ADAMTS20: variants seen among roughly 807,000 people sequenced by gnomAD.
ADAMTS20 encodes A disintegrin and metalloproteinase with thrombospondin motifs 20.
A neutral mutation model predicts 260.1 loss-of-function variants in ADAMTS20; 225 were observed. The observed-to-expected ratio is 0.87, with a 90% CI of 0.78 to 0.97. The LOEUF is 0.97. Among genes scored for constraint, ADAMTS20 ranks in the 50% least tolerant of loss-of-function variants. The pLI is 0.00. For missense variants in ADAMTS20, 2,400 were observed against 2,337.7 expected, an observed-to-expected ratio of 1.03 and a Z score of -0.55; for synonymous variants, 802 against 769.5, an observed-to-expected ratio of 1.04 and a Z score of -0.70.
chr12:43,366,533 A>C (rs1184689056), intron 37 of ADAMTS20, among the ~76,000 whole-genome samples: 2 of 151,904 alleles, frequency 1.3e-5, no homozygotes, highest in African/African-American at 4.8e-5. Context: ...AATGTATTGA[A>C]TGTTTTCCAG....
intron 27 of ADAMTS20, among the ~76,000 whole-genome samples, chr12:43,426,047 T>C (rs1459640921): frequency 6.6e-6 from 1 of 152,172 alleles, no homozygotes. Context: ...GTCATGAGCA[T>C]TAATTACATA....
At chr12:43,493,109 T>C in intron 5 of ADAMTS20, 61 bp downstream of exon 5, 1 of 1,097,436 alleles carries the variant, frequency 9.1e-7, no homozygotes, top group Non-Finnish European at 1.3e-6. Flanking sequence ...CCATAATCTC[T>C]ACGTATTGTC....
intron 3 of ADAMTS20, among the ~76,000 whole-genome samples, chr12:43,503,556 C>A (rs1016582858): frequency 2.6e-5 from 4 of 151,500 alleles, no homozygotes; most frequent in African/African-American, 9.7e-5. Flanking sequence ...TCGTCTTATT[C>A]TTTTTTTTCT....
chr12:43,493,775 C>T (rs754590829), intron 4 of ADAMTS20, among the ~76,000 whole-genome samples: 21 of 152,150 alleles, frequency 1.4e-4, no homozygotes, highest in Non-Finnish European at 2.8e-4. Flanking sequence ...CCTAATCTTT[C>T]GGCCACAGTT....
intron 25 of ADAMTS20, 46 bp downstream of exon 25, chr12:43,428,589 T>C: frequency 6.8e-7 from 1 of 1,468,486 alleles, no homozygotes; most frequent in Non-Finnish European, 9.0e-7. Context: ...TAATATCAAA[T>C]ATATTTAAAT....
Position 43,551,814 on chromosome 12 carries a change from T to C in ADAMTS20, c.91+17A>G. ...CGCCCCCACTTAGCCGCTGAAGGCG[T>C]CTCGCGGTGACTTTACCTTGCCTGG... On this transcript the variant is annotated intron_variant, in intron 1 of 38. Transcript: ENST00000389420. This position sits in a 1 kb window ranked among gnomAD's most constrained non-coding sequence, Gnocchi z 4.6. 6.2e-7 allele frequency: 1 copy of C among 1,612,816 alleles called. No individual in the cohort carries two copies. Among genetic ancestry groups the C allele is most frequent in the Non-Finnish European group, 8.5e-7 (1 of 1,179,428 alleles).
Position 43,490,398 on chromosome 12 carries a change from A to G in ADAMTS20, c.1114T>C (p.Leu372=). Residue 372 remains leucine (L), a synonymous_variant, in exon 7 of 39, where the codon TTA becomes CTA. Coordinates refer to ENST00000389420, the MANE Select transcript of ADAMTS20 (RefSeq NM_025003.5). The part of the protein sequence containing the change: ...ICSSKEKCNM[L]GLSYLGTICD... ...CTTAATTGACAAAATAACTTACCTA[A>G]CATGTTACATTTCTCTTTAGATGAA... The G allele has an allele frequency of 7.9e-7, 1 of 1,264,938 alleles. No homozygotes were observed. The highest frequency in any genetic ancestry group is 1.1e-6 in the Non-Finnish European group (1 of 930,664). The allele number at this position is 1,264,938 out of a possible 1,614,324, so 78.4% of individuals were successfully genotyped here.
intron 28 of ADAMTS20, among the ~76,000 whole-genome samples, chr12:43,415,497 A>G (rs1421873950): frequency 6.6e-6 from 1 of 152,236 alleles, no homozygotes; most frequent in African/African-American, 2.4e-5. Context: ...GAGGAAAAAT[A>G]ATATATACTT....
intron 15 of ADAMTS20, among the ~76,000 whole-genome samples, chr12:43,444,599 A>G (rs1390163990): frequency 1.3e-5 from 2 of 152,186 alleles, no homozygotes; most frequent in Non-Finnish European, 2.9e-5. Flanking sequence ...TATCTAACAT[A>G]TATTAAGAAA....
intron 7 of ADAMTS20, among the ~76,000 whole-genome samples, chr12:43,479,472 A>G (rs1413599509): frequency 6.6e-6 from 1 of 152,146 alleles, no homozygotes. Flanking sequence ...AAAGAATATC[A>G]ATAGATCACA....
At chr12:43,366,553 T>C (rs1280834713) in intron 37 of ADAMTS20, among the ~76,000 whole-genome samples, 1 of 151,894 alleles carries the variant, frequency 6.6e-6, no homozygotes, top group Non-Finnish European at 1.5e-5. Context: ...GGACAAACTA[T>C]ATGTTATGAC....
chr12:43,466,902 C>G (rs1942164636), intron 8 of ADAMTS20, 107 bp from the exon 9 acceptor site: 1 of 830,574 alleles, frequency 1.2e-6, no homozygotes. Context: ...ATAGATAAAT[C>G]TGGTTATATC....
chr12:43,472,170 C>T (rs1189845782), intron 7 of ADAMTS20, among the ~76,000 whole-genome samples: 3 of 145,042 alleles, frequency 2.1e-5, no homozygotes, highest in African/African-American at 5.1e-5. Context: ...AACCAAGGCT[C>T]GAGAACTACG....
intron 7 of ADAMTS20, among the ~76,000 whole-genome samples, chr12:43,470,486 G>A (rs1942234718): frequency 6.6e-6 from 1 of 152,180 alleles, no homozygotes; most frequent in African/African-American, 2.4e-5. Context: ...AAAACTCAAA[G>A]TAAATGGTTA....
At chr12:43,472,395 A>G (rs886805435) in intron 7 of ADAMTS20, among the ~76,000 whole-genome samples, 8 of 145,058 alleles carry the variant, frequency 5.5e-5, no homozygotes, top group African/African-American at 2.0e-4. Context: ...GAATGGAACC[A>G]AGTTGGAAAA....
rs780297646 is a variant in ADAMTS20, at chr12:43,494,694, C to T, written c.868-1441G>A. On this transcript the variant is annotated intron_variant, in intron 4 of 38. Transcript: ENST00000389420. ...ATTTCAAGCAGGTCTGTTAGCAATG[C>T]AGTATTTCTCACTTTAAAATAGGAG... Among the ~76,000 whole-genome samples the T allele has an allele frequency of 2.6e-5, 4 of 152,104 alleles. No homozygotes were observed. In the East Asian group the frequency reaches 5.8e-4, roughly 22 times the overall value.
chr12:43,485,881 G>A (rs571713646), intron 7 of ADAMTS20, among the ~76,000 whole-genome samples: 12 of 152,022 alleles, frequency 7.9e-5, no homozygotes, highest in East Asian at 3.9e-4. Context: ...GTGGAAAATC[G>A]CAACAAGGAG....
intron 3 of ADAMTS20, among the ~76,000 whole-genome samples, chr12:43,517,269 C>T (rs559982509): frequency 5.3e-5 from 8 of 152,106 alleles, no homozygotes; most frequent in Non-Finnish European, 1.0e-4. Context: ...AAGAAATAAA[C>T]TGTCTACATG....
intron 10 of ADAMTS20, among the ~76,000 whole-genome samples, 197 bp from the exon 11 acceptor site, chr12:43,463,196 T>C (rs1333020052): frequency 1.3e-5 from 2 of 152,236 alleles, no homozygotes; most frequent in Admixed American, 1.3e-4. Context: ...ACATTTTCTT[T>C]AAAACTTTTT....
Sources: gnomAD v4.1 joint callset for allele counts (sites outside exome capture counted in the v4.1 genomes callset) on GRCh38, gnomAD v4.1.1 for gene constraint, Gnocchi (gnomAD v3.1) non-coding constraint, MANE v1.5 for transcripts, NCBI Gene and HGNC (gene_info 2026-07-23, HGNC 2026-07-21) for gene names.